NRG3: variants seen among roughly 807,000 people sequenced by gnomAD.
The protein encoded by NRG3 is neuregulin 3.
Under a neutral mutation model 66.9 loss-of-function variants are expected in NRG3, and 31 were observed. The observed-to-expected ratio is 0.46, with a 90% confidence interval of 0.35 to 0.63. The LOEUF (loss-of-function observed/expected upper bound fraction) is 0.63. NRG3 is among the 20% of genes least tolerant of loss of function. The pLI is 0.00. For missense variants in NRG3, 910 were observed against 878.9 expected (o/e 1.04, Z -0.45); for synonymous variants, 393 against 359.4 (o/e 1.09, Z -1.06).
At chr10:82,740,446 G>A (rs1325299588) in intron 3 of NRG3, among the ~76,000 whole-genome samples, 1 of 152,076 alleles carries the variant, frequency 6.6e-6, no homozygotes, top group Non-Finnish European at 1.5e-5. Flanking sequence ...TCACCATAAT[G>A]ACTATTCTCT....
chr10:82,436,650 G>A (rs557732395), intron 2 of NRG3, among the ~76,000 whole-genome samples: 14 of 152,222 alleles, frequency 9.2e-5, no homozygotes, highest in African/African-American at 3.4e-4. Flanking sequence ...TTACATTTTG[G>A]TGTGTTTTTG....
Position 82,059,380 on chromosome 10 carries a change from G to GA in NRG3, c.823+183219dup, listed in dbSNP as rs553098029. 3.9e-5 allele frequency among the ~76,000 whole-genome samples: 6 copies of GA among 152,250 alleles called. No homozygotes were observed. In the South Asian group the frequency reaches 1.2e-3, roughly 32 times the overall value. Reference sequence around the variant, plus strand: ...ATACACTCAGTAGATATTTCAGGGTGAATGGCCAGATTAGGTAATGACTAA... The same window carrying GA: ...ATACACTCAGTAGATATTTCAGGGTGAAATGGCCAGATTAGGTAATGACTAA... On this transcript the variant is annotated intron_variant, in intron 1 of 8. Coordinates refer to ENST00000372141, the MANE Select transcript of NRG3 (RefSeq NM_001010848.4).
intron 3 of NRG3, among the ~76,000 whole-genome samples, chr10:82,739,673 GTTTAA>G (rs1223153224): frequency 1.3e-5 from 2 of 152,140 alleles, no homozygotes; most frequent in South Asian, 4.1e-4. Flanking sequence ...AAAAGGTTTT[GTTTAA>G]TTTAATTTAA....
intron 1 of NRG3, among the ~76,000 whole-genome samples, chr10:82,157,496 G>T (rs1235131603): frequency 1.3e-5 from 2 of 151,692 alleles, no homozygotes; most frequent in Non-Finnish European, 3.0e-5. Context: ...CAGGTTAGAG[G>T]TTTGTGTCTA....
At chr10:82,708,222 C>G (rs1270598335) in intron 2 of NRG3, among the ~76,000 whole-genome samples, 1 of 151,978 alleles carries the variant, frequency 6.6e-6, no homozygotes, top group Admixed American at 6.6e-5. Context: ...TCCTTCTGTC[C>G]TAAGTGTTTT....
rs145120485 is a variant in NRG3 at position 82,554,474 on chromosome 10, A to G, written c.954-184103A>G. Among the ~76,000 whole-genome samples, 549 of 152,304 alleles carry G rather than the reference A, an allele frequency of 3.6e-3. 4 individuals carry two copies. The highest frequency in any genetic ancestry group is 0.013 in the African/African-American group (539 of 41,574). On this transcript the variant is annotated intron_variant, in intron 2 of 8. Transcript: ENST00000372141. ...AATGAGCTACTCTGAAGCATTTGCA[A>G]TGACTTCATAGTTTAAACTGGGATA...
chr10:82,802,856 G>A (rs559920302), intron 3 of NRG3, among the ~76,000 whole-genome samples: 59 of 152,058 alleles, frequency 3.9e-4, no homozygotes, highest in African/African-American at 1.3e-3. Flanking sequence ...TGTTTTTATG[G>A]TAGGGACAAG....
At chr10:82,137,922 C>T (rs918921268) in intron 1 of NRG3, among the ~76,000 whole-genome samples, 1 of 152,294 alleles carries the variant, frequency 6.6e-6, no homozygotes, top group Non-Finnish European at 1.5e-5. Flanking sequence ...TCAGAATGAT[C>T]CTTGTCCTTA....
At chr10:82,942,022 T>TGTGC (rs1848620398) in intron 4 of NRG3, among the ~76,000 whole-genome samples, 1 of 151,938 alleles carries the variant, frequency 6.6e-6, no homozygotes, top group African/African-American at 2.4e-5. Context: ...TGTGTGTGTG[T>TGTGC]GTGCTTCAAC....
At chr10:82,189,259 A>T (rs980355970) in intron 1 of NRG3, among the ~76,000 whole-genome samples, 7 of 152,324 alleles carry the variant, frequency 4.6e-5, no homozygotes, top group African/African-American at 1.7e-4. Context: ...CTATGAGAAA[A>T]TAAATCAGAG....
intron 2 of NRG3, among the ~76,000 whole-genome samples, chr10:82,696,030 A>G (rs2055353885): frequency 6.6e-6 from 1 of 152,182 alleles, no homozygotes; most frequent in Admixed American, 6.5e-5. Flanking sequence ...TTATGTGTGG[A>G]TGCAACATTT....
intron 1 of NRG3, among the ~76,000 whole-genome samples, chr10:82,007,240 T>A (rs1222304698): frequency 6.7e-6 from 1 of 150,284 alleles, no homozygotes; most frequent in Non-Finnish European, 1.5e-5. Flanking sequence ...GACAGAGTCT[T>A]GCACTGTCGC....
chr10:82,234,069 C>T lies in NRG3; in HGVS notation c.824-124670C>T, dbSNP rs192184338. Among the ~76,000 whole-genome samples, 179 of 152,260 alleles carry T rather than the reference C, an allele frequency of 1.2e-3. 1 individual carries two copies. The highest frequency in any genetic ancestry group is 1.9e-3 in the Non-Finnish European group (130 of 68,028). On this transcript the variant is annotated intron_variant, in intron 1 of 8. Coordinates refer to ENST00000372141, the MANE Select transcript of NRG3 (RefSeq NM_001010848.4). ...TGGTAAAACAAACGACAATCACTCCCCGGCTCAAAACCATTCTCATTGATT... is the reference window on the plus strand; with the variant it reads ...TGGTAAAACAAACGACAATCACTCCTCGGCTCAAAACCATTCTCATTGATT...
chr10:82,546,771 A>G (rs2043944846), intron 2 of NRG3, among the ~76,000 whole-genome samples: 1 of 152,218 alleles, frequency 6.6e-6, no homozygotes, highest in South Asian at 2.1e-4. Context: ...TAAATGTTAC[A>G]TTCCACAAAA....
chr10:82,363,316 C>T (rs944035252), intron 2 of NRG3, among the ~76,000 whole-genome samples: 4 of 152,122 alleles, frequency 2.6e-5, no homozygotes, highest in Admixed American at 2.0e-4. Context: ...TTAAAAGTGA[C>T]TACTATACCC....
intron 1 of NRG3, among the ~76,000 whole-genome samples, chr10:82,018,508 C>A (rs1392995012): frequency 2.0e-5 from 3 of 152,188 alleles, no homozygotes; most frequent in Admixed American, 1.3e-4. Flanking sequence ...GGCATCGAAT[C>A]TATAAATTAC....
chr10:82,019,698 C>T (rs1313892792), intron 1 of NRG3, among the ~76,000 whole-genome samples: 2 of 152,114 alleles, frequency 1.3e-5, no homozygotes, highest in Admixed American at 6.6e-5. Flanking sequence ...TTATCCATTT[C>T]TTCTAGATTT....
At chr10:82,894,546 T>C (rs1030728400) in intron 4 of NRG3, among the ~76,000 whole-genome samples, 7 of 117,074 alleles carry the variant, frequency 6.0e-5, no homozygotes, top group African/African-American at 2.2e-4. Flanking sequence ...TCATTTTTCC[T>C]GTTTGAGATT....
chr10:82,549,200 A>T (rs2044139467), intron 2 of NRG3, among the ~76,000 whole-genome samples: 1 of 152,216 alleles, frequency 6.6e-6, no homozygotes, highest in African/African-American at 2.4e-5. Context: ...GTAAAACACA[A>T]AGGATAGTGC....
Sources: gnomAD v4.1 joint callset for allele counts (sites outside exome capture counted in the v4.1 genomes callset) on GRCh38, gnomAD v4.1.1 for gene constraint, MANE v1.5 for transcripts, NCBI Gene and HGNC (gene_info 2026-07-23, HGNC 2026-07-21) for gene names.